Variants in MAK observed in about 807,000 individuals in gnomAD.
MAK encodes the protein serine/threonine-protein kinase MAK.
MAK carries 65 observed loss-of-function variants against 82.6 expected under a neutral mutation model. The ratio of observed to expected loss-of-function variants is 0.79; its 90% CI spans 0.64 to 0.97. The LOEUF is 0.97. Ranked by LOEUF, MAK falls within the 50% of genes least tolerant of loss-of-function variation. The pLI, the probability that MAK is intolerant of heterozygous loss-of-function variation, is 0.00. For missense variants in MAK, 703 were observed against 780.2 expected (o/e 0.90, Z 1.18); for synonymous variants, 250 against 274.2 (o/e 0.91, Z 0.87).
At chr6:10,779,757 T>TC (rs1441864864) in intron 11 of MAK, among the ~76,000 whole-genome samples, 1 of 152,210 alleles carries the variant, frequency 6.6e-6, no homozygotes, top group African/African-American at 2.4e-5. Context: ...CTATCTTGGC[T>TC]CACTGCAACA....
intron 14 of MAK, among the ~76,000 whole-genome samples, chr6:10,767,982 A>G (rs1244204899): frequency 6.6e-6 from 1 of 152,108 alleles, no homozygotes; most frequent in African/African-American, 2.4e-5. Flanking sequence ...GTTTTTTCTA[A>G]GGATTTGCAT....
intron 1 of MAK, among the ~76,000 whole-genome samples, chr6:10,836,582 GCTTCCCATGGTTCT>G (rs1292626054): frequency 1.3e-5 from 2 of 152,128 alleles, no homozygotes; most frequent in Admixed American, 6.5e-5. Context: ...TTAAACACAG[GCTTCCCATGGTTCT>G]CCAGTTCACG....
At position 10,799,061 on chromosome 6, in the gene MAK, C is replaced by G. The variant is rs184421400; in HGVS notation, c.832-2752G>C. Reference sequence around the variant, plus strand: ...GGCCAGGCTGATCTCAAACTCCTGACCTCAAGTGATCCGCCTGCCTCGGAA... The same window carrying G: ...GGCCAGGCTGATCTCAAACTCCTGAGCTCAAGTGATCCGCCTGCCTCGGAA... On this transcript the variant is annotated intron_variant, in intron 8 of 14. Transcript: ENST00000354489. Among the ~76,000 whole-genome samples the G allele has an allele frequency of 2.0e-5, 3 of 152,170 alleles. No homozygotes were observed. In the East Asian group the frequency reaches 5.8e-4, roughly 29 times the overall value.
intron 11 of MAK, among the ~76,000 whole-genome samples, chr6:10,781,580 C>A (rs181944059): frequency 1.3e-5 from 2 of 152,022 alleles, no homozygotes; most frequent in South Asian, 4.2e-4. Context: ...CCCAACACCA[C>A]GCCCGGCTAA....
In MAK at chr6:10,764,133, G is replaced by C. The variant is rs1387255009; in HGVS notation, c.*319C>G. 4 of 261,214 alleles carry C rather than the reference G, an allele frequency of 1.5e-5. No individual in the cohort carries two copies. The highest frequency in any genetic ancestry group is 9.1e-5 in the African/African-American group (4 of 44,178). The allele number at this position is 261,214 out of a possible 1,614,324, so 16.2% of individuals were successfully genotyped here. A position where few individuals can be genotyped will look rare whatever the true frequency, so the allele number is the denominator to read the frequency against. The stretch of plus-strand genomic sequence containing the variant: ...ACTAAAACACTCTAAACATTTTCTG[G>C]AAGTTGTTTTTTTTTAAGGGTTCTT... On this transcript the variant is annotated 3_prime_UTR_variant, in exon 15 of 15. Transcript: ENST00000354489.
At chr6:10,802,912 G>A (rs987383172) in intron 7 of MAK, among the ~76,000 whole-genome samples, 2 of 152,148 alleles carry the variant, frequency 1.3e-5, no homozygotes, top group Non-Finnish European at 2.9e-5. Context: ...AGAAAGAAAG[G>A]TGTAGATGAA....
chr6:10,770,653 C>T (rs1772920989), intron 13 of MAK, among the ~76,000 whole-genome samples: 1 of 152,152 alleles, frequency 6.6e-6, no homozygotes, highest in Non-Finnish European at 1.5e-5. Flanking sequence ...GTAAGTGGAC[C>T]TATTCTCGTA....
intron 1 of MAK, among the ~76,000 whole-genome samples, chr6:10,833,613 AAT>A: frequency 2.1e-5 from 1 of 48,032 alleles, no homozygotes; most frequent in African/African-American, 7.8e-5. Context: ...TCAAAATAAT[AAT>A]AATAATAATA....
intron 14 of MAK, among the ~76,000 whole-genome samples, chr6:10,768,270 C>T (rs72821587): frequency 0.011 from 1,640 of 152,184 alleles, 13 homozygotes; most frequent in Non-Finnish European, 0.018. Context: ...TGATTTTCTG[C>T]CTTTATATTA....
intron 11 of MAK, among the ~76,000 whole-genome samples, chr6:10,780,732 C>T (rs905199122): frequency 1.7e-4 from 26 of 151,826 alleles, no homozygotes; most frequent in African/African-American, 3.9e-4. Context: ...GGATTATAGG[C>T]GACAGCACCC....
chr6:10,802,080 T>C, intron 7 of MAK, 21 bp from the exon 8 acceptor site: 1 of 1,610,960 alleles, frequency 6.2e-7, no homozygotes, highest in Non-Finnish European at 8.5e-7. Flanking sequence ...AATATATAAG[T>C]GCAGGTGGGG....
rs1581692866 is a variant in MAK, at chr6:10,793,592, GA to G, written c.1144-1746del. ...TATGCAATTTAGGAGAAGCATTTGT[GA>G]AAAAACAGGTATACTTAGAAATTTT... is the stretch of plus-strand genomic sequence containing the variant. On this transcript the variant is annotated intron_variant, in intron 9 of 14. Transcript: ENST00000354489. This position sits in a 1 kb window ranked among gnomAD's most constrained non-coding sequence, Gnocchi z 4.6. 1.3e-5 allele frequency among the ~76,000 whole-genome samples: 2 copies of G among 152,214 alleles called. No individual in the cohort carries two copies. The highest frequency in any genetic ancestry group is 3.9e-4 in the East Asian group (2 of 5,184).
chr6:10,825,195 A>C (rs1177864035), intron 2 of MAK, among the ~76,000 whole-genome samples: 2 of 152,034 alleles, frequency 1.3e-5, no homozygotes, highest in African/African-American at 4.8e-5. Flanking sequence ...TAGGTGACAC[A>C]TTTGAGGACA....
chr6:10,836,011 C>T (rs944838812), intron 1 of MAK, among the ~76,000 whole-genome samples: 3 of 152,194 alleles, frequency 2.0e-5, no homozygotes, highest in African/African-American at 7.2e-5. Context: ...AGTCTCTTTG[C>T]GAGTGGCTAT....
chr6:10,784,635 G>GCACATCTCGCCCACCCTCTA, intron 10 of MAK, 63 bp from the exon 11 acceptor site: 1 of 1,426,856 alleles, frequency 7.0e-7, no homozygotes, highest in Non-Finnish European at 9.8e-7. Flanking sequence ...CCCACCCTCT[G>GCACATCTCGCCCACCCTCTA]CACATCTCGC....
At chr6:10,818,000 T>G (rs1203894304) in intron 3 of MAK, 29 bp from the exon 4 acceptor site, 2 of 1,373,902 alleles carry the variant, frequency 1.5e-6, no homozygotes, top group Non-Finnish European at 2.0e-6. Context: ...GCCTTAAAAT[T>G]TCTTAAAAAA....
intron 9 of MAK, among the ~76,000 whole-genome samples, chr6:10,794,604 C>T (rs1775354797): frequency 6.6e-6 from 1 of 152,078 alleles, no homozygotes; most frequent in South Asian, 2.1e-4. Context: ...GGAGTGTATA[C>T]CCAGTGGGAC....
intron 10 of MAK, among the ~76,000 whole-genome samples, chr6:10,790,423 AAAAG>A (rs896022141): frequency 1.3e-5 from 2 of 152,200 alleles, no homozygotes; most frequent in Non-Finnish European, 1.5e-5. Flanking sequence ...AAACAAAAAA[AAAAG>A]AAAGTATCTT....
chr6:10,826,860 C>G (rs1249956272), intron 2 of MAK, among the ~76,000 whole-genome samples: 2 of 152,086 alleles, frequency 1.3e-5, no homozygotes, highest in African/African-American at 4.8e-5. Flanking sequence ...GCCTGTAATC[C>G]CAGCACTTTG....
Sources: gnomAD v4.1 joint callset for allele counts (sites outside exome capture counted in the v4.1 genomes callset) on GRCh38, gnomAD v4.1.1 for gene constraint, Gnocchi (gnomAD v3.1) non-coding constraint, MANE v1.5 for transcripts, NCBI Gene and HGNC (gene_info 2026-07-23, HGNC 2026-07-21) for gene names.